The following CNTN6 variants were observed in gnomAD, a reference collection of about 807,000 sequenced individuals.
The protein encoded by CNTN6 is contactin-6.
A neutral mutation model predicts 122.8 loss-of-function variants in CNTN6; 137 were observed. That is an observed-to-expected ratio of 1.12 (90% CI 0.97 to 1.29). The LOEUF (loss-of-function observed/expected upper bound fraction) is 1.29, where lower values mean the gene tolerates loss of function less well. Ranked by LOEUF, CNTN6 falls within the 50% of genes most tolerant of loss-of-function variation. The probability of loss-of-function intolerance (pLI) is 0.00; values close to 1 mark genes in which losing one functional copy is unlikely to be tolerated. For synonymous variants in CNTN6, 570 were observed against 426.0 expected (o/e 1.34, Z -4.16); for missense variants, 1,634 against 1,223.4 (o/e 1.34, Z -5.01).
At chr3:1,246,780 T>C (rs1215274354) in intron 4 of CNTN6, among the ~76,000 whole-genome samples, 1 of 152,146 alleles carries the variant, frequency 6.6e-6, no homozygotes, top group African/African-American at 2.4e-5. Flanking sequence ...ACTAATGAAA[T>C]TGGGCACTTT....
intron 4 of CNTN6, among the ~76,000 whole-genome samples, chr3:1,266,706 C>A (rs1032970331): frequency 6.6e-6 from 1 of 152,146 alleles, no homozygotes; most frequent in African/African-American, 2.4e-5. Context: ...ACCACTCTTT[C>A]CAAGTGACCT....
At chr3:1,289,676 GTT>G (rs11438242) in intron 5 of CNTN6, among the ~76,000 whole-genome samples, 42,931 of 137,556 alleles carry the variant, frequency 0.31, 7,720 homozygotes, top group East Asian at 0.55. Context: ...GTTTTTTTGG[GTT>G]TTTTTTTTTT....
chr3:1,251,256 A>G (rs897858514), intron 4 of CNTN6, among the ~76,000 whole-genome samples: 3 of 152,120 alleles, frequency 2.0e-5, no homozygotes, highest in Admixed American at 6.5e-5. Flanking sequence ...GTCAATGTCT[A>G]AAGTTGCCAG....
chr3:1,274,070 G>A (rs758810582), intron 4 of CNTN6, among the ~76,000 whole-genome samples: 14 of 151,930 alleles, frequency 9.2e-5, no homozygotes, highest in Non-Finnish European at 1.8e-4. Context: ...CAATTTAATG[G>A]GGCCTTTCAA....
intron 17 of CNTN6, among the ~76,000 whole-genome samples, chr3:1,377,460 T>C (rs1710041238): frequency 6.6e-6 from 1 of 152,176 alleles, no homozygotes; most frequent in South Asian, 2.1e-4. Flanking sequence ...ACCCTGCTGT[T>C]CACCTCTGAT....
intron 4 of CNTN6, among the ~76,000 whole-genome samples, chr3:1,245,638 C>T (rs963820550): frequency 2.6e-5 from 4 of 151,050 alleles, no homozygotes; most frequent in African/African-American, 9.7e-5. Context: ...CACTAAAAAG[C>T]TTATTCATGT....
chr3:1,210,303 T>G (rs902119991), intron 2 of CNTN6, among the ~76,000 whole-genome samples: 1 of 151,946 alleles, frequency 6.6e-6, no homozygotes, highest in Non-Finnish European at 1.5e-5. Context: ...ATTTTAAAAT[T>G]TTGTGACTTG....
chr3:1,144,855 T>C (rs67891357), intron 1 of CNTN6, among the ~76,000 whole-genome samples: 23,888 of 151,996 alleles, frequency 0.16, 2,120 homozygotes, highest in African/African-American at 0.24. Flanking sequence ...ACACAGGAAA[T>C]TGTACCCAGG....
chr3:1,248,755 G>A (rs2094616707), intron 4 of CNTN6, among the ~76,000 whole-genome samples: 1 of 152,120 alleles, frequency 6.6e-6, no homozygotes, highest in African/African-American at 2.4e-5. Flanking sequence ...GAGAGGCGGA[G>A]GTTGCAGTGA....
intron 5 of CNTN6, among the ~76,000 whole-genome samples, chr3:1,288,073 G>A (rs1694659494): frequency 6.6e-6 from 1 of 152,164 alleles, no homozygotes; most frequent in Non-Finnish European, 1.5e-5. Flanking sequence ...CCCAGTTTTG[G>A]GGTTTGCCTT....
chr3:1,321,527 A>C, intron 7 of CNTN6, 123 bp from the exon 8 acceptor site: 1 of 845,472 alleles, frequency 1.2e-6, no homozygotes, highest in Non-Finnish European at 1.8e-6. Context: ...TCTGAAAACT[A>C]GTCATAATAC....
intron 7 of CNTN6, among the ~76,000 whole-genome samples, chr3:1,299,257 C>T (rs11128615): frequency 0.059 from 8,969 of 152,052 alleles, 400 homozygotes; most frequent in African/African-American, 0.12. Flanking sequence ...ACATAATGAA[C>T]TTTCACCATT....
intron 2 of CNTN6, among the ~76,000 whole-genome samples, chr3:1,194,232 T>C (rs887625400): frequency 6.6e-6 from 1 of 152,104 alleles, no homozygotes; most frequent in Admixed American, 6.6e-5. Context: ...TCTTTTAAAA[T>C]AAAATGCAAC....
chr3:1,265,548 ATGTT>A (rs2094913880), intron 4 of CNTN6, among the ~76,000 whole-genome samples: 1 of 152,244 alleles, frequency 6.6e-6, no homozygotes, highest in Non-Finnish European at 1.5e-5. Context: ...TTGTAACAAA[ATGTT>A]TGTAGACATT....
chr3:1,353,418 T>C (rs1201513766), intron 12 of CNTN6, among the ~76,000 whole-genome samples: 1 of 151,742 alleles, frequency 6.6e-6, no homozygotes, highest in East Asian at 1.9e-4. Context: ...TGCCAACTTG[T>C]CTCAAGCGTA....
Position 1,327,440 on chromosome 3 carries a change from G to A in CNTN6, c.1084-17G>A, listed in dbSNP as rs945007257. 3 of 1,607,316 alleles carry A rather than the reference G, an allele frequency of 1.9e-6. No individual in the cohort carries two copies. The African/African-American group carries it at 4.0e-5, about 22-fold the overall frequency. On this transcript the variant is annotated splice_polypyrimidine_tract_variant and intron_variant, in intron 9 of 22. Coordinates refer to ENST00000446702, the MANE Select transcript of CNTN6 (RefSeq NM_001289080.2). ...TATTAACGTACAAGCATCTTTATAT[G>A]CCTTTTCCTTTATTAGGAGAGAATT...
chr3:1,290,493 A>G (rs1212185275), intron 5 of CNTN6, among the ~76,000 whole-genome samples: 1 of 152,196 alleles, frequency 6.6e-6, no homozygotes, highest in Non-Finnish European at 1.5e-5. Flanking sequence ...AATTGTAAAG[A>G]CATTGAAAAG....
intron 2 of CNTN6, among the ~76,000 whole-genome samples, chr3:1,170,714 T>A (rs2093344301): frequency 6.6e-6 from 1 of 152,182 alleles, no homozygotes; most frequent in Non-Finnish European, 1.5e-5. Context: ...CTGAATTTTT[T>A]CCTCCTTCCC....
intron 2 of CNTN6, among the ~76,000 whole-genome samples, chr3:1,151,252 T>A (rs1383288466): frequency 6.6e-6 from 1 of 152,210 alleles, no homozygotes; most frequent in African/African-American, 2.4e-5. Context: ...AGGGATTCAG[T>A]AAATATTTGT....
Sources: gnomAD v4.1 joint callset for allele counts (sites outside exome capture counted in the v4.1 genomes callset) on GRCh38, gnomAD v4.1.1 for gene constraint, MANE v1.5 for transcripts, NCBI Gene and HGNC (gene_info 2026-07-23, HGNC 2026-07-21) for gene names.